STK10: variants seen among roughly 807,000 people sequenced by gnomAD.
STK10 encodes serine/threonine-protein kinase 10.
Under a neutral mutation model 113.8 loss-of-function variants are expected in STK10, and 78 were observed. That is an observed-to-expected ratio of 0.69 (90% CI 0.57 to 0.83). The LOEUF is 0.83. STK10 is among the 40% of genes least tolerant of loss of function. The probability of loss-of-function intolerance (pLI) is 0.00; values close to 1 mark genes in which losing one functional copy is unlikely to be tolerated. For missense variants in STK10, 1,109 were observed against 1,280.1 expected, an observed-to-expected ratio of 0.87 and a Z score of 2.04; for synonymous variants, 465 against 494.7, an observed-to-expected ratio of 0.94 and a Z score of 0.80.
chr5:172,066,693 T>A (rs1419756727), intron 12 of STK10, among the ~76,000 whole-genome samples: 1 of 152,094 alleles, frequency 6.6e-6, no homozygotes, highest in African/African-American at 2.4e-5. Context: ...GAAGGAGGCA[T>A]GAGAATCACT....
intron 9 of STK10, among the ~76,000 whole-genome samples, chr5:172,091,790 C>G (rs959652016): frequency 6.6e-6 from 1 of 152,186 alleles, no homozygotes; most frequent in African/African-American, 2.4e-5. Flanking sequence ...CCTTGGCCTC[C>G]CAAAGTGCTG....
chr5:172,044,949 C>G lies in STK10; in HGVS notation c.2840G>C (p.Cys947Ser). 1 of 1,614,192 alleles carries G rather than the reference C, an allele frequency of 6.2e-7. No individual in the cohort carries two copies. The highest frequency in any genetic ancestry group is 8.5e-7 in the Non-Finnish European group (1 of 1,180,038). Residue 947 changes from cysteine (C) to serine (S), a missense_variant, in exon 19 of 19, where the codon TGC becomes TCC. This residue lies in a region of STK10 where 885 missense variants were observed against 991.1 expected (regional missense o/e 0.89). Coordinates refer to ENST00000176763, the MANE Select transcript of STK10 (RefSeq NM_005990.4). This position sits in a 1 kb window ranked among gnomAD's most constrained non-coding sequence, Gnocchi z 4.5. Reference protein sequence around the residue: ...MFFKLSEEAECPNPSTPSKAA... With the variant: ...MFFKLSEEAESPNPSTPSKAA... The stretch of plus-strand genomic sequence containing the variant: ...CTTGCTTGGGGTGGAGGGGTTTGGG[C>G]ACTCCGCCTCCTCGCTCAGCTTGAA...
At chr5:172,070,989 C>G (rs1048495595) in intron 12 of STK10, among the ~76,000 whole-genome samples, 1 of 151,754 alleles carries the variant, frequency 6.6e-6, no homozygotes. Flanking sequence ...GGGCAGATCA[C>G]CTGAAATCAG....
intron 12 of STK10, among the ~76,000 whole-genome samples, chr5:172,072,356 T>C (rs1242232508): frequency 2.6e-5 from 4 of 152,138 alleles, no homozygotes; most frequent in African/African-American, 7.2e-5. Flanking sequence ...AAGATCCGCC[T>C]ACCGGGTTCA....
chr5:172,093,501 T>C lies in STK10; in HGVS notation c.1465A>G (p.Ser489Gly), dbSNP rs903039110. 8 of 1,614,242 alleles carry C rather than the reference T, an allele frequency of 5.0e-6. No individual in the cohort carries two copies. The highest frequency in any genetic ancestry group is 5.9e-6 in the Non-Finnish European group (7 of 1,180,044). ...GPSKRDSDCS[S>G]LCTSESMDYG... Reference sequence around the variant, plus strand: ...TCCATGCTCTCAGAGGTGCAGAGGCTGCTGCAGTCCGAGTCCCTCTTGGAA... The same window carrying C: ...TCCATGCTCTCAGAGGTGCAGAGGCCGCTGCAGTCCGAGTCCCTCTTGGAA... The change falls in exon 9 of 19, where the codon AGC becomes GGC. Residue 489 changes from serine to glycine, a missense_variant. Ser to Gly is a moderately conservative substitution (Grantham distance 56). Coordinates refer to ENST00000176763, the MANE Select transcript of STK10 (RefSeq NM_005990.4). The surrounding 1 kb of genome is among the most constrained non-coding windows in gnomAD (Gnocchi z 4.1).
At position 172,122,769 on chromosome 5, in the gene STK10, G is replaced by T. The variant is rs573756542; in HGVS notation, c.370+4604C>A. On this transcript the variant is annotated intron_variant, in intron 3 of 18. Transcript: ENST00000176763. ...CTCCCAAGTAGCTGGGACTACAGGC[G>T]CCCGCCACCATGCTCGGCTAATTTT... is the stretch of plus-strand genomic sequence containing the variant. Among the ~76,000 whole-genome samples the T allele has an allele frequency of 4.6e-5, 7 of 152,246 alleles. No homozygotes were observed. The South Asian group carries it at 1.4e-3, about 32-fold the overall frequency.
In STK10 at chr5:172,106,830, G is replaced by GACA; in HGVS notation, c.594-19_594-17dup. ...GGGGGCCATCCTGAACCAACCAAGG[G>GACA]ACAACATAGGGCTAAGAATCTGGCC... On this transcript the variant is annotated splice_polypyrimidine_tract_variant and intron_variant, in intron 5 of 18. Coordinates refer to ENST00000176763, the MANE Select transcript of STK10 (RefSeq NM_005990.4). 6.2e-7 allele frequency: 1 copy of GACA among 1,610,896 alleles called. No individual in the cohort carries two copies. Among genetic ancestry groups the GACA allele is most frequent in the Non-Finnish European group, 8.5e-7 (1 of 1,177,844 alleles).
At chr5:172,106,540 C>G in intron 6 of STK10, 80 bp downstream of exon 6, 1 of 1,446,656 alleles carries the variant, frequency 6.9e-7, no homozygotes, top group Non-Finnish European at 9.2e-7. Context: ...CACTGCACCT[C>G]CCCAGCCCCG....
chr5:172,118,287 CAGAG>C (rs1224281401), intron 3 of STK10, among the ~76,000 whole-genome samples: 1 of 152,150 alleles, frequency 6.6e-6, no homozygotes, highest in Non-Finnish European at 1.5e-5. Context: ...CCGACTGAGA[CAGAG>C]AGATCTGTTG....
intron 14 of STK10, among the ~76,000 whole-genome samples, chr5:172,060,482 C>A (rs1222720147): frequency 6.6e-6 from 1 of 152,194 alleles, no homozygotes; most frequent in Non-Finnish European, 1.5e-5. Context: ...GACCCCAGAG[C>A]TAGTCTCCCT....
intron 16 of STK10, 50 bp downstream of exon 16, chr5:172,055,538 C>T: frequency 7.4e-7 from 1 of 1,358,950 alleles, no homozygotes; most frequent in African/African-American, 1.5e-5. Context: ...CCAAACCTGG[C>T]CCTGCCTACA....
At position 172,047,149 on chromosome 5, in the gene STK10, C is replaced by T. The variant is rs143598411; in HGVS notation, c.2767-2127G>A. On this transcript the variant is annotated intron_variant, in intron 18 of 18. Coordinates refer to ENST00000176763, the MANE Select transcript of STK10 (RefSeq NM_005990.4). Reference sequence around the variant, plus strand: ...AAGAATGTAAAAGACCATTTATTCTCGAATGAAAATCATCACCTCCGGGTC... The same window carrying T: ...AAGAATGTAAAAGACCATTTATTCTTGAATGAAAATCATCACCTCCGGGTC... 1.4e-3 allele frequency among the ~76,000 whole-genome samples: 207 copies of T among 152,298 alleles called. 1 individual carries two copies. The highest frequency in any genetic ancestry group is 2.4e-3 in the Non-Finnish European group (160 of 68,032).
chr5:172,128,340 TC>T (rs1337772423), intron 2 of STK10, among the ~76,000 whole-genome samples: 2 of 140,474 alleles, frequency 1.4e-5, no homozygotes, highest in African/African-American at 2.8e-5. Flanking sequence ...CTTTCTTCTT[TC>T]CTTTTTTTTT....
At chr5:172,071,922 C>T (rs1221160920) in intron 12 of STK10, among the ~76,000 whole-genome samples, 1 of 152,182 alleles carries the variant, frequency 6.6e-6, no homozygotes, top group East Asian at 1.9e-4. Flanking sequence ...ACCGAGGTAT[C>T]ACAACAGCTG....
intron 18 of STK10, among the ~76,000 whole-genome samples, chr5:172,052,603 A>C (rs1410734356): frequency 6.6e-6 from 1 of 152,198 alleles, no homozygotes; most frequent in East Asian, 1.9e-4. Context: ...ACTTCCTCTA[A>C]GAGAAAATCC....
At chr5:172,049,783 C>T (rs139841910) in intron 18 of STK10, among the ~76,000 whole-genome samples, 73 of 152,216 alleles carry the variant, frequency 4.8e-4, no homozygotes, top group African/African-American at 1.7e-3. Flanking sequence ...TCTTCACCAC[C>T]GTGCACTCAC....
intron 3 of STK10, among the ~76,000 whole-genome samples, chr5:172,121,189 C>T (rs1047262824): frequency 3.3e-5 from 5 of 151,912 alleles, no homozygotes; most frequent in East Asian, 1.9e-4. Context: ...CCACGACGCC[C>T]GGCTAATTTT....
At chr5:172,072,244 A>G (rs1402769835) in intron 12 of STK10, among the ~76,000 whole-genome samples, 5 of 151,470 alleles carry the variant, frequency 3.3e-5, no homozygotes, top group Non-Finnish European at 7.4e-5. Context: ...TAGGAATAGG[A>G]GACTTAAAAA....
rs757132886 is a variant in STK10 at position 172,117,490 on chromosome 5, T to C, written c.511A>G (p.Ile171Val). 36 of 1,611,232 alleles carry C rather than the reference T, an allele frequency of 2.2e-5. No individual in the cohort carries two copies. Among genetic ancestry groups the C allele is most frequent in the South Asian group, 4.4e-5 (4 of 91,002 alleles). The stretch of plus-strand genomic sequence containing the variant: ...ACCCTGAGCCCCTTACCCAGCCTGA[T>C]GTCTCCCTCGAGGGTCATCAGCACG... ...GNVLMTLEGDIRLADFGVSAK... is the reference protein window; with the variant it reads ...GNVLMTLEGDVRLADFGVSAK... The change falls in exon 4 of 19, where the codon ATC becomes GTC. Residue 171 changes from isoleucine (I) to valine (V), a missense_variant. Around this residue, in one of 5 missense-constraint regions of STK10, gnomAD observed 44 missense variants for 84.4 expected, o/e 0.52. Coordinates refer to ENST00000176763, the MANE Select transcript of STK10 (RefSeq NM_005990.4).
Sources: allele counts gnomAD v4.1 joint callset (sites outside exome capture counted in the v4.1 genomes callset), GRCh38; gene constraint gnomAD v4.1.1; regional missense constraint gnomAD v4.1.1; non-coding constraint Gnocchi (gnomAD v3.1); transcripts MANE v1.5; gene names NCBI Gene and HGNC (gene_info 2026-07-23, HGNC 2026-07-21).